DNAJC13: variants seen among roughly 807,000 people sequenced by gnomAD.
DNAJC13 encodes the protein DnaJ heat shock protein family (Hsp40) member C13.
Under a neutral mutation model 290.5 loss-of-function variants are expected in DNAJC13, and 75 were observed. That is an observed-to-expected ratio of 0.26 (90% CI 0.21 to 0.31). The LOEUF (loss-of-function observed/expected upper bound fraction) is 0.31, where lower values mean the gene tolerates loss of function less well. Among genes scored for constraint, DNAJC13 ranks in the 10% least tolerant of loss-of-function variants. The probability of loss-of-function intolerance (pLI) is 1.00; values close to 1 mark genes in which losing one functional copy is unlikely to be tolerated. For missense variants in DNAJC13, 2,260 were observed against 2,674.5 expected (o/e 0.85, Z 3.42); for synonymous variants, 862 against 892.0 (o/e 0.97, Z 0.60).
At chr3:132,507,384 AC>A (rs1253849865) in intron 43 of DNAJC13, 31 bp downstream of exon 43, 1 of 1,220,538 alleles carries the variant, frequency 8.2e-7, no homozygotes, top group Non-Finnish European at 1.2e-6. Flanking sequence ...TTTACCTGAT[AC>A]CTTTGATCAT....
chr3:132,528,720 C>T (rs1231852473), intron 54 of DNAJC13, among the ~76,000 whole-genome samples: 1 of 151,876 alleles, frequency 6.6e-6, no homozygotes, highest in Non-Finnish European at 1.5e-5. Context: ...TGTAGAACAT[C>T]ATTTTTGTTT....
chr3:132,505,352 C>T lies in DNAJC13; in HGVS notation c.4935C>T (p.Asn1645=), dbSNP rs1935550546. The change falls in exon 42 of 56, where the codon AAC becomes AAT. Residue 1645 remains asparagine, a synonymous_variant. Coordinates refer to ENST00000260818, the MANE Select transcript of DNAJC13 (RefSeq NM_015268.4). The part of the protein sequence containing the change: ...SNTESPYLIW[N]NSTRAELLEF... The stretch of plus-strand genomic sequence containing the variant: ...CAGAAAGTCCATATTTGATATGGAA[C>T]AATTCTACAAGAGCAGAATTACTTG... The T allele has an allele frequency of 6.2e-7, 1 of 1,611,280 alleles. No homozygotes were observed. The highest frequency in any genetic ancestry group is 1.3e-5 in the African/African-American group (1 of 74,780).
At position 132,465,782 on chromosome 3, in the gene DNAJC13, A is replaced by G. The variant is rs370013450; in HGVS notation, c.1893-213A>G. 5.3e-5 allele frequency among the ~76,000 whole-genome samples: 8 copies of G among 152,220 alleles called. No individual in the cohort carries two copies. The East Asian group carries it at 1.2e-3, about 22-fold the overall frequency. On this transcript the variant is annotated intron_variant, in intron 17 of 55. Transcript: ENST00000260818. ...GAAAATGAGTGTATGTTTATTAGGAAAACATTTTAATTTTTAGAAAATTCC... is the reference window on the plus strand; with the variant it reads ...GAAAATGAGTGTATGTTTATTAGGAGAACATTTTAATTTTTAGAAAATTCC...
At chr3:132,433,900 C>T (rs932700018) in intron 1 of DNAJC13, among the ~76,000 whole-genome samples, 2 of 152,164 alleles carry the variant, frequency 1.3e-5, no homozygotes, top group Admixed American at 6.5e-5. Context: ...GTTGAATAGA[C>T]CAGTCCCCGT....
At chr3:132,451,357 C>T (rs1023489103) in intron 6 of DNAJC13, among the ~76,000 whole-genome samples, 9 of 152,086 alleles carry the variant, frequency 5.9e-5, no homozygotes, top group African/African-American at 2.2e-4. Flanking sequence ...GAGAATCTTT[C>T]ATCCTTTGCC....
chr3:132,498,578 A>G (rs1935308356), intron 36 of DNAJC13, among the ~76,000 whole-genome samples: 1 of 152,174 alleles, frequency 6.6e-6, no homozygotes, highest in African/African-American at 2.4e-5. Context: ...TTTTAGAAAA[A>G]TCAACCAAGT....
In DNAJC13 at chr3:132,443,219, C is replaced by A. The variant is rs956598894; in HGVS notation, c.69-3256C>A. The stretch of plus-strand genomic sequence containing the variant: ...CTAGGCTGGAATACAGTGGTATGAT[C>A]TTGGCTCACTGCAGCCTCTGCCTCC... On this transcript the variant is annotated intron_variant, in intron 2 of 55. Coordinates refer to ENST00000260818, the MANE Select transcript of DNAJC13 (RefSeq NM_015268.4). 5.3e-5 allele frequency among the ~76,000 whole-genome samples: 8 copies of A among 152,240 alleles called. No individual in the cohort carries two copies. The South Asian group carries it at 1.7e-3, about 32-fold the overall frequency.
At chr3:132,484,386 T>TA in intron 28 of DNAJC13, 1 of 602,334 alleles carries the variant, frequency 1.7e-6, no homozygotes, top group Non-Finnish European at 3.0e-6. Context: ...AAGGAAATCT[T>TA]ATGGAAGGAA....
intron 5 of DNAJC13, among the ~76,000 whole-genome samples, chr3:132,448,195 A>G (rs1447150481): frequency 1.3e-5 from 2 of 152,204 alleles, no homozygotes; most frequent in South Asian, 2.1e-4. Flanking sequence ...AAGCAACACT[A>G]TAAGCATTCA....
At chr3:132,502,680 A>G (rs1441801169) in intron 40 of DNAJC13, among the ~76,000 whole-genome samples, 4 of 152,230 alleles carry the variant, frequency 2.6e-5, no homozygotes, top group Admixed American at 6.5e-5. Flanking sequence ...GGAATTTGCA[A>G]TAGCATATAC....
At chr3:132,500,942 T>A (rs764740684) in intron 39 of DNAJC13, 29 bp downstream of exon 39, 3 of 1,609,794 alleles carry the variant, frequency 1.9e-6, no homozygotes, top group Non-Finnish European at 2.5e-6. Flanking sequence ...GCTTTCTAGA[T>A]ACAGACAGCA....
chr3:132,490,600 C>T (rs151319697), intron 31 of DNAJC13, among the ~76,000 whole-genome samples: 89 of 152,290 alleles, frequency 5.8e-4, no homozygotes, highest in African/African-American at 1.9e-3. Context: ...TACTGTTACA[C>T]ATGGTCAAAG....
intron 16 of DNAJC13, among the ~76,000 whole-genome samples, chr3:132,463,193 C>T (rs1933861772): frequency 6.6e-6 from 1 of 152,174 alleles, no homozygotes; most frequent in South Asian, 2.1e-4. Context: ...AAGTATAGCA[C>T]ACAATTAATC....
chr3:132,482,847 C>T (rs186034392), intron 27 of DNAJC13, among the ~76,000 whole-genome samples: 9 of 150,714 alleles, frequency 6.0e-5, no homozygotes, highest in Non-Finnish European at 7.4e-5. Flanking sequence ...CAATGAATAG[C>T]GAGACCCTAT....
At chr3:132,496,408 C>A in intron 35 of DNAJC13, 120 bp from the exon 36 acceptor site, 3 of 978,254 alleles carry the variant, frequency 3.1e-6, no homozygotes, top group African/African-American at 1.7e-5. Flanking sequence ...GAATGAATAC[C>A]TTAATATAAA....
At position 132,511,254 on chromosome 3, in the gene DNAJC13, T is replaced by G; in HGVS notation, c.5293+10T>G. On this transcript the variant is annotated intron_variant, in intron 44 of 55. Transcript: ENST00000260818. ...ATAAAATACAATCCAGGTATGTGAC[T>G]ACACCTTTGATCAATAAGACTCGTA... 1 of 1,613,438 alleles carries G rather than the reference T, an allele frequency of 6.2e-7. No individual in the cohort carries two copies. The highest frequency in any genetic ancestry group is 1.3e-5 in the African/African-American group (1 of 74,982).
intron 36 of DNAJC13, among the ~76,000 whole-genome samples, chr3:132,497,317 G>A (rs1191322088): frequency 1.3e-5 from 2 of 152,208 alleles, no homozygotes; most frequent in Admixed American, 6.5e-5. Context: ...CCTTTGTTGG[G>A]GATGAGGGGT....
Position 132,493,841 on chromosome 3 carries a change from A to G in DNAJC13, c.3826-303A>G, listed in dbSNP as rs13086976. Reference sequence around the variant, plus strand: ...TTTATCTTTCACCCGTAAAGATAACATGTAAAAAAAAATAAATCTTAATTC... The same window carrying G: ...TTTATCTTTCACCCGTAAAGATAACGTGTAAAAAAAAATAAATCTTAATTC... On this transcript the variant is annotated intron_variant, in intron 33 of 55. Transcript: ENST00000260818. Among the ~76,000 whole-genome samples the G allele has an allele frequency of 0.13, 19,140 of 152,148 alleles. 1,564 individuals carry two copies. The highest frequency in any genetic ancestry group is 0.26 in the South Asian group (1,277 of 4,824).
chr3:132,473,166 G>C lies in DNAJC13; in HGVS notation c.2230G>C (p.Val744Leu). Residue 744 changes from valine (V) to leucine (L), a missense_variant, in exon 21 of 56, where the codon GTT becomes CTT. Physicochemically the swap from Val to Leu is conservative, Grantham distance 32. Around this residue, in one of 3 missense-constraint regions of DNAJC13, gnomAD observed 762 missense variants for 964.1 expected, o/e 0.79. Coordinates refer to ENST00000260818, the MANE Select transcript of DNAJC13 (RefSeq NM_015268.4). Reference sequence around the variant, plus strand: ...CCAGAATATAAATCAGAAGCCAGTGGTTCTTCGAAAGAGAAGACAAAGAAT... The same window carrying C: ...CCAGAATATAAATCAGAAGCCAGTGCTTCTTCGAAAGAGAAGACAAAGAAT... Reference protein sequence around the residue: ...QKENINQKPVVLRKRRQRIKI... With the variant: ...QKENINQKPVLLRKRRQRIKI... 6.2e-7 allele frequency: 1 copy of C among 1,611,422 alleles called. No individual in the cohort carries two copies. Among genetic ancestry groups the C allele is most frequent in the Non-Finnish European group, 8.5e-7 (1 of 1,179,032 alleles).
Sources: gnomAD v4.1 joint callset for allele counts (sites outside exome capture counted in the v4.1 genomes callset) on GRCh38, gnomAD v4.1.1 for gene constraint, gnomAD v4.1.1 regional missense constraint, MANE v1.5 for transcripts, NCBI Gene and HGNC (gene_info 2026-07-23, HGNC 2026-07-21) for gene names.